The following DPP10 variants were observed in gnomAD, a reference collection of about 807,000 sequenced individuals.
DPP10 encodes the protein dipeptidyl peptidase like 10.
A neutral mutation model predicts 120.9 loss-of-function variants in DPP10; 33 were observed. That is an observed-to-expected ratio of 0.27 (90% confidence interval 0.21 to 0.37). DPP10 has a LOEUF of 0.37. Among genes scored for constraint, DPP10 ranks in the 10% least tolerant of loss-of-function variants. The pLI is 1.00. For synonymous variants in DPP10, 337 were observed against 326.1 expected (o/e 1.03, Z -0.36); for missense variants, 816 against 942.8 (o/e 0.87, Z 1.76).
At chr2:114,705,353 C>A (rs1019573290) in intron 1 of DPP10, among the ~76,000 whole-genome samples, 1 of 151,910 alleles carries the variant, frequency 6.6e-6, no homozygotes. Flanking sequence ...ATGTTCTAAA[C>A]TACATTTTTT....
intron 3 of DPP10, among the ~76,000 whole-genome samples, chr2:115,440,451 A>G (rs1205398552): frequency 1.4e-5 from 2 of 147,958 alleles, no homozygotes; most frequent in African/African-American, 2.5e-5. Flanking sequence ...AGTGTTATGC[A>G]TATCTTATTA....
chr2:115,798,227 G>T (rs970833350), intron 19 of DPP10, among the ~76,000 whole-genome samples: 5 of 151,826 alleles, frequency 3.3e-5, no homozygotes, highest in Admixed American at 2.0e-4. Context: ...TCATATAAAT[G>T]TAGTCATTAA....
intron 1 of DPP10, among the ~76,000 whole-genome samples, chr2:114,702,867 A>G (rs1459084840): frequency 6.6e-6 from 1 of 152,166 alleles, no homozygotes; most frequent in African/African-American, 2.4e-5. Context: ...CCCAGAAGAT[A>G]GTCCAGAAAG....
intron 17 of DPP10, among the ~76,000 whole-genome samples, chr2:115,790,173 G>A (rs1451282496): frequency 2.7e-5 from 4 of 150,454 alleles, no homozygotes; most frequent in South Asian, 2.1e-4. Flanking sequence ...TCCGCTTCCC[G>A]GGTTCACGCC....
chr2:115,802,537 A>G (rs112272445), intron 19 of DPP10, among the ~76,000 whole-genome samples: 4 of 152,220 alleles, frequency 2.6e-5, no homozygotes, highest in East Asian at 1.9e-4. Flanking sequence ...TGTCAATTTT[A>G]GATCTTTCCT....
intron 3 of DPP10, among the ~76,000 whole-genome samples, chr2:115,472,389 T>C (rs2074787467): frequency 2.0e-5 from 3 of 152,188 alleles, no homozygotes; most frequent in African/African-American, 7.2e-5. Context: ...CAAGTAGATA[T>C]ATTACAAAAG....
intron 3 of DPP10, among the ~76,000 whole-genome samples, chr2:115,450,590 T>G (rs1469133076): frequency 2.6e-5 from 4 of 151,988 alleles, no homozygotes; most frequent in Non-Finnish European, 5.9e-5. Flanking sequence ...AAGACCAGGA[T>G]AGTCAACATT....
At chr2:115,411,376 G>T (rs2068944747) in intron 3 of DPP10, among the ~76,000 whole-genome samples, 4 of 149,340 alleles carry the variant, frequency 2.7e-5, no homozygotes, top group South Asian at 4.3e-4. Context: ...CTTTAATTCT[G>T]TCCATTGTTG....
chr2:115,841,925 C>T (rs1192871922), intron 25 of DPP10, among the ~76,000 whole-genome samples: 1 of 152,114 alleles, frequency 6.6e-6, no homozygotes, highest in East Asian at 1.9e-4. Flanking sequence ...AAGAAACTGT[C>T]CAAAGTTTAG....
At chr2:115,028,059 G>A (rs138462948) in intron 1 of DPP10, among the ~76,000 whole-genome samples, 16 of 151,822 alleles carry the variant, frequency 1.1e-4, no homozygotes, top group Admixed American at 4.6e-4. Flanking sequence ...CCAACTTTTC[G>A]TTTTATCGAC....
At chr2:115,040,773 T>C (rs1704574351) in intron 1 of DPP10, among the ~76,000 whole-genome samples, 1 of 152,108 alleles carries the variant, frequency 6.6e-6, no homozygotes. Context: ...TCCTCCTGTA[T>C]GGGCCATGTA....
At chr2:115,379,680 G>A (rs577134709) in intron 3 of DPP10, among the ~76,000 whole-genome samples, 73 of 151,946 alleles carry the variant, frequency 4.8e-4, no homozygotes, top group Non-Finnish European at 9.1e-4. Context: ...GCTTTGTCTT[G>A]TGGGCATTTA....
intron 3 of DPP10, among the ~76,000 whole-genome samples, chr2:115,496,312 G>A (rs1312029137): frequency 6.6e-6 from 1 of 152,042 alleles, no homozygotes; most frequent in Non-Finnish European, 1.5e-5. Flanking sequence ...TCCTATTAAT[G>A]CAACATTGAG....
chr2:114,864,649 G>GC (rs773611954), intron 1 of DPP10, among the ~76,000 whole-genome samples: 1 of 152,150 alleles, frequency 6.6e-6, no homozygotes, highest in Non-Finnish European at 1.5e-5. Context: ...GAGATGTTTG[G>GC]CCTGTGAAAC....
At chr2:115,763,559 TA>T (rs1680357947) in intron 12 of DPP10, among the ~76,000 whole-genome samples, 2 of 152,290 alleles carry the variant, frequency 1.3e-5, no homozygotes, top group South Asian at 4.1e-4. Flanking sequence ...ATATAATTAA[TA>T]TGTACAGATT....
At chr2:115,689,309 T>C (rs752629211) in intron 5 of DPP10, among the ~76,000 whole-genome samples, 8 of 152,074 alleles carry the variant, frequency 5.3e-5, no homozygotes, top group Non-Finnish European at 1.0e-4. Flanking sequence ...GTATAGACGA[T>C]GTAAAGAGAG....
intron 7 of DPP10, among the ~76,000 whole-genome samples, chr2:115,696,770 A>G (rs994222775): frequency 6.6e-6 from 1 of 152,236 alleles, no homozygotes; most frequent in African/African-American, 2.4e-5. Context: ...CTTAATTTAA[A>G]AAGCTAAGAT....
chr2:115,762,990 A>C (rs980023415), intron 12 of DPP10, among the ~76,000 whole-genome samples: 2 of 152,220 alleles, frequency 1.3e-5, no homozygotes, highest in Non-Finnish European at 2.9e-5. Flanking sequence ...GAGATATTCA[A>C]ATAAATACTT....
At chr2:115,707,889 C>T (rs766370368) in intron 7 of DPP10, among the ~76,000 whole-genome samples, 22 of 151,586 alleles carry the variant, frequency 1.5e-4, no homozygotes, top group Non-Finnish European at 3.0e-5. Context: ...TTATGAATAA[C>T]AAGATGAAAC....
Sources: allele counts gnomAD v4.1 joint callset (sites outside exome capture counted in the v4.1 genomes callset), GRCh38; gene constraint gnomAD v4.1.1; transcripts MANE v1.5; gene names NCBI Gene and HGNC (gene_info 2026-07-23, HGNC 2026-07-21).